OPCML: variants seen among roughly 807,000 people sequenced by gnomAD.
The protein encoded by OPCML is opioid-binding protein/cell adhesion molecule.
Under a neutral mutation model 37.8 loss-of-function variants are expected in OPCML, and 13 were observed. The observed-to-expected ratio is 0.34, with a 90% CI of 0.22 to 0.55. The LOEUF is 0.55. OPCML is among the 20% of genes least tolerant of loss of function. The pLI is 0.91. For missense variants in OPCML, 341 were observed against 435.6 expected, an observed-to-expected ratio of 0.78 and a Z score of 1.93; for synonymous variants, 176 against 168.8, an observed-to-expected ratio of 1.04 and a Z score of -0.33.
intron 1 of OPCML, among the ~76,000 whole-genome samples, chr11:133,435,616 A>G (rs935140680): frequency 7.9e-5 from 12 of 152,350 alleles, no homozygotes; most frequent in Admixed American, 1.3e-4. Flanking sequence ...CCAATTTCCA[A>G]TGAATAATTC....
chr11:132,486,555 C>T (rs1022591497), intron 4 of OPCML, among the ~76,000 whole-genome samples: 2 of 151,940 alleles, frequency 1.3e-5, no homozygotes, highest in African/African-American at 4.8e-5. Context: ...CATTCAAACC[C>T]CACCAAAATC....
intron 2 of OPCML, among the ~76,000 whole-genome samples, chr11:132,821,027 G>T (rs1226793296): frequency 6.6e-6 from 1 of 152,200 alleles, no homozygotes; most frequent in Non-Finnish European, 1.5e-5. Context: ...CATAGACAGA[G>T]TCCTTGGGTG....
intron 3 of OPCML, 114 bp from the exon 4 acceptor site, chr11:132,529,300 T>A: frequency 7.5e-7 from 1 of 1,334,768 alleles, no homozygotes; most frequent in Non-Finnish European, 1.0e-6. Context: ...TTGTTTGCAG[T>A]AATAAATTTC....
At chr11:133,057,657 A>G (rs1948265239) in intron 1 of OPCML, among the ~76,000 whole-genome samples, 1 of 151,986 alleles carries the variant, frequency 6.6e-6, no homozygotes, top group African/African-American at 2.4e-5. Flanking sequence ...CCCTTTTTTC[A>G]AAGGACAGAA....
At chr11:133,039,380 C>A (rs898341604) in intron 1 of OPCML, among the ~76,000 whole-genome samples, 1 of 152,304 alleles carries the variant, frequency 6.6e-6, no homozygotes, top group South Asian at 2.1e-4. Flanking sequence ...TGCATTTCCC[C>A]CAAGTCCTTG....
At chr11:133,273,800 G>A (rs1018145632) in intron 1 of OPCML, among the ~76,000 whole-genome samples, 1 of 152,074 alleles carries the variant, frequency 6.6e-6, no homozygotes, top group Non-Finnish European at 1.5e-5. Context: ...TTGTCGCATT[G>A]CAAGCCAATG....
At chr11:133,429,874 A>T (rs1340960724) in intron 1 of OPCML, among the ~76,000 whole-genome samples, 1 of 152,188 alleles carries the variant, frequency 6.6e-6, no homozygotes, top group African/African-American at 2.4e-5. Flanking sequence ...GTATTAATAT[A>T]TACTTTAGAG....
chr11:132,473,758 C>T (rs1427299690), intron 4 of OPCML, among the ~76,000 whole-genome samples: 1 of 151,976 alleles, frequency 6.6e-6, no homozygotes, highest in Non-Finnish European at 1.5e-5. Context: ...CCCAGGAGAT[C>T]GAGGCTGCAG....
rs1196012350 is a variant in OPCML, at chr11:133,430,986, G to A, written c.61+101278C>T. On this transcript the variant is annotated intron_variant, in intron 1 of 7. Transcript: ENST00000524381. ...CTTTAGAAGTTCATGGGTTTCGAACGTTAGTTTCACTTCTAAAAATTTTCA... is the reference window on the plus strand; with the variant it reads ...CTTTAGAAGTTCATGGGTTTCGAACATTAGTTTCACTTCTAAAAATTTTCA... Among the ~76,000 whole-genome samples the A allele has an allele frequency of 3.3e-5, 5 of 152,098 alleles. No homozygotes were observed. The South Asian group carries it at 6.2e-4, about 19-fold the overall frequency.
At chr11:133,241,501 G>T (rs1184384071) in intron 1 of OPCML, among the ~76,000 whole-genome samples, 1 of 152,136 alleles carries the variant, frequency 6.6e-6, no homozygotes, top group Non-Finnish European at 1.5e-5. Context: ...AATTATGTAG[G>T]CATGTTTTAT....
At chr11:133,461,055 C>T (rs1946847082) in intron 1 of OPCML, among the ~76,000 whole-genome samples, 1 of 151,718 alleles carries the variant, frequency 6.6e-6, no homozygotes, top group Admixed American at 6.6e-5. Flanking sequence ...GATGAAAACA[C>T]TCAACAAACT....
intron 2 of OPCML, among the ~76,000 whole-genome samples, chr11:132,662,466 C>A (rs905928784): frequency 2.0e-5 from 3 of 150,552 alleles, no homozygotes; most frequent in East Asian, 1.9e-4. Flanking sequence ...GAGTGAGTGC[C>A]TAAGGTGCAT....
intron 1 of OPCML, among the ~76,000 whole-genome samples, chr11:133,525,310 A>T (rs1035386963): frequency 1.6e-4 from 25 of 152,202 alleles, no homozygotes; most frequent in Non-Finnish European, 3.2e-4. Context: ...TTCCAAGCTC[A>T]GGTAACCTGA....
intron 3 of OPCML, among the ~76,000 whole-genome samples, chr11:132,643,791 A>C (rs1940997531): frequency 6.6e-6 from 1 of 152,182 alleles, no homozygotes; most frequent in African/African-American, 2.4e-5. Flanking sequence ...TCTCTCATTC[A>C]ACAAGCTCAG....
intron 2 of OPCML, among the ~76,000 whole-genome samples, chr11:132,793,203 C>T (rs1378443761): frequency 2.0e-5 from 3 of 152,104 alleles, no homozygotes; most frequent in Admixed American, 2.0e-4. Flanking sequence ...CCAGTGCTGC[C>T]CTTCCCGGGA....
At chr11:133,428,242 C>T (rs1053972755) in intron 1 of OPCML, among the ~76,000 whole-genome samples, 4 of 152,008 alleles carry the variant, frequency 2.6e-5, no homozygotes, top group Non-Finnish European at 2.9e-5. Flanking sequence ...CAAAAAAGTG[C>T]GTTGTAAATC....
intron 1 of OPCML, among the ~76,000 whole-genome samples, chr11:133,314,736 G>T (rs1315073409): frequency 6.6e-6 from 1 of 152,130 alleles, no homozygotes; most frequent in Non-Finnish European, 1.5e-5. Flanking sequence ...GGCACGCCTG[G>T]CCAGGACGCT....
intron 1 of OPCML, among the ~76,000 whole-genome samples, chr11:133,496,493 A>G (rs1279599441): frequency 6.6e-6 from 1 of 152,146 alleles, no homozygotes; most frequent in Non-Finnish European, 1.5e-5. Flanking sequence ...TTTTGACAGT[A>G]TGGTCATTTT....
At chr11:132,777,278 T>C (rs1439531459) in intron 2 of OPCML, among the ~76,000 whole-genome samples, 1 of 152,230 alleles carries the variant, frequency 6.6e-6, no homozygotes, top group Non-Finnish European at 1.5e-5. Context: ...TCACATGCAC[T>C]TCCTTTAAGG....
Sources: allele counts gnomAD v4.1 joint callset (sites outside exome capture counted in the v4.1 genomes callset), GRCh38; gene constraint gnomAD v4.1.1; transcripts MANE v1.5; gene names NCBI Gene and HGNC (gene_info 2026-07-23, HGNC 2026-07-21).